Variants in RFPL2 observed in about 807,000 individuals in gnomAD.
RFPL2 encodes the protein ret finger protein like 2, also known as ret finger protein-like 2.
A neutral mutation model predicts 17.8 loss-of-function variants in RFPL2; 13 were observed. The ratio of observed to expected loss-of-function variants is 0.73; its 90% CI spans 0.47 to 1.16. The LOEUF (loss-of-function observed/expected upper bound fraction) is 1.16. RFPL2 is among the 50% of genes most tolerant of loss of function. RFPL2 has a pLI of 0.00. For synonymous variants in RFPL2, 189 were observed against 180.9 expected, an observed-to-expected ratio of 1.04 and a Z score of -0.36; for missense variants, 431 against 479.3, an observed-to-expected ratio of 0.90 and a Z score of 0.94.
Position 32,202,009 on chromosome 22 carries a change from C to T in RFPL2, c.119+324G>A, listed in dbSNP as rs185742088. On this transcript the variant is annotated intron_variant, in intron 2 of 4. Coordinates refer to ENST00000652607, the MANE Select transcript of RFPL2 (RefSeq NM_001394555.1). ...GAAGTCCAAAATGAGGCCTGAGCTGCTAAGATCAGGGTGCCAGCAGGGCCG... is the reference window on the plus strand; with the variant it reads ...GAAGTCCAAAATGAGGCCTGAGCTGTTAAGATCAGGGTGCCAGCAGGGCCG... Among the ~76,000 whole-genome samples, 1,034 of 152,312 alleles carry T rather than the reference C, an allele frequency of 6.8e-3. 16 individuals are homozygous for T. Among genetic ancestry groups the T allele is most frequent in the African/African-American group, 0.024 (979 of 41,546 alleles).
chr22:32,194,105 T>TA (rs1181673611), intron 3 of RFPL2, among the ~76,000 whole-genome samples: 2 of 151,514 alleles, frequency 1.3e-5, no homozygotes, highest in African/African-American at 2.4e-5. Context: ...AATAAAAAAA[T>TA]AAAAAAATAA....
chr22:32,191,902 AT>A (rs1270481199), intron 4 of RFPL2, among the ~76,000 whole-genome samples: 2 of 142,658 alleles, frequency 1.4e-5, no homozygotes, highest in Admixed American at 7.0e-5. Flanking sequence ...GAGAAAATTA[AT>A]TGTCCAGAAC....
chr22:32,195,191 T>A (rs1923188852), intron 2 of RFPL2, among the ~76,000 whole-genome samples: 1 of 152,184 alleles, frequency 6.6e-6, no homozygotes, highest in South Asian at 2.1e-4. Context: ...ATTTTCCCTA[T>A]CCCTTTGGCA....
chr22:32,198,598 C>T (rs1923601041), intron 2 of RFPL2, among the ~76,000 whole-genome samples: 1 of 152,016 alleles, frequency 6.6e-6, no homozygotes, highest in African/African-American at 2.4e-5. Flanking sequence ...CTTCTTCCCT[C>T]TCCTTCCCTG....
intron 2 of RFPL2, among the ~76,000 whole-genome samples, chr22:32,201,452 A>C (rs1188685596): frequency 1.3e-5 from 2 of 152,198 alleles, no homozygotes; most frequent in African/African-American, 2.4e-5. Flanking sequence ...CGTCTTAACC[A>C]AGGCCTCAAT....
chr22:32,203,063 CTT>C (rs1266918558), intron 1 of RFPL2: 5 of 985,830 alleles, frequency 5.1e-6, no homozygotes, highest in Non-Finnish European at 6.0e-6. Context: ...CCGCTCCTCT[CTT>C]GCAGACCACC....
intron 1 of RFPL2, 127 bp from the exon 2 acceptor site, chr22:32,202,677 A>T (rs1466040140): frequency 7.4e-7 from 1 of 1,354,978 alleles, no homozygotes; most frequent in African/African-American, 1.5e-5. Context: ...CTTTTAGCGC[A>T]AGCTGGCCAG....
At chr22:32,196,145 T>G (rs555140759) in intron 2 of RFPL2, among the ~76,000 whole-genome samples, 5 of 152,206 alleles carry the variant, frequency 3.3e-5, no homozygotes, top group Non-Finnish European at 5.9e-5. Flanking sequence ...CTGATTTATT[T>G]TGCTTAACAT....
In RFPL2 at chr22:32,191,119, G is replaced by C. The variant is rs199850528; in HGVS notation, c.790C>G (p.Arg264Gly). Residue 264 changes from arginine (R) to glycine (G), a missense_variant, in exon 5 of 5, where the codon CGC (arginine) becomes GGC (glycine). Physicochemically the swap from Arg to Gly is moderately radical, Grantham distance 125 (BLOSUM62 -2). Coordinates refer to ENST00000652607, the MANE Select transcript of RFPL2 (RefSeq NM_001394555.1). ...DLGVCRESVH[R>G]KGRIQLTTEL... ...GTGGTCAGCTGGATCCTCCCTTTGC[G>C]GTGAACAGATTCTCTGCAGACTCCC... The C allele has an allele frequency of 6.2e-7, 1 of 1,613,874 alleles. No homozygotes were observed.
At position 32,202,542 on chromosome 22, in the gene RFPL2, C is replaced by T. The variant is rs78293816; in HGVS notation, c.-91G>A. On this transcript the variant is annotated 5_prime_UTR_variant, in exon 2 of 5. It introduces an in-frame stop codon into an upstream open reading frame of the 5' UTR. Transcript: ENST00000652607. Reference sequence around the variant, plus strand: ...CACTGGGCATCCGGGCAGACAAAGCCAGAAAAGCCTAGAACAGGATGCAGA... The same window carrying T: ...CACTGGGCATCCGGGCAGACAAAGCTAGAAAAGCCTAGAACAGGATGCAGA... 0.06 allele frequency: 92,100 copies of T among 1,529,848 alleles called. 3,097 individuals are homozygous for T. The highest frequency in any genetic ancestry group is 0.067 in the Non-Finnish European group (76,893 of 1,139,604). 94.8% of individuals were successfully genotyped at this position (1,529,848 alleles called of 1,614,324 possible).
At chr22:32,200,336 G>A (rs1923787221) in intron 2 of RFPL2, 1 of 209,218 alleles carries the variant, frequency 4.8e-6, no homozygotes, top group Non-Finnish European at 9.9e-6. Context: ...CCTGCACCCA[G>A]GAAACCCTTA....
At chr22:32,196,698 A>G (rs1050467661) in intron 2 of RFPL2, among the ~76,000 whole-genome samples, 2 of 152,192 alleles carry the variant, frequency 1.3e-5, no homozygotes, top group African/African-American at 4.8e-5. Flanking sequence ...CAAATTCACA[A>G]GATGATCCTT....
In RFPL2 at chr22:32,191,228, G is replaced by A. The variant is rs765598608; in HGVS notation, c.681C>T (p.Ser227=). 1.3e-5 allele frequency: 21 copies of A among 1,613,840 alleles called. No individual in the cohort carries two copies. The East Asian group carries it at 1.3e-4, about 10-fold the overall frequency. ...AGCGAGGGGAGCCCAGGATGCAAAC[G>A]GACACGTCAAATCTCTCGGCAAGGT... ...RQDLAERFDV[S]VCILGSPRFT... is the part of the protein sequence containing the mutation. Residue 227 remains serine, a synonymous_variant, in exon 5 of 5, where the codon TCC becomes TCT. Coordinates refer to ENST00000652607, the MANE Select transcript of RFPL2 (RefSeq NM_001394555.1).
intron 2 of RFPL2, among the ~76,000 whole-genome samples, chr22:32,201,476 G>T (rs1416881638): frequency 6.6e-6 from 1 of 152,206 alleles, no homozygotes; most frequent in Non-Finnish European, 1.5e-5. Flanking sequence ...GATGGGATTT[G>T]GTCTCTGACA....
At chr22:32,202,821 C>T (rs746893162) in intron 1 of RFPL2, 21 of 1,063,796 alleles carry the variant, frequency 2.0e-5, no homozygotes, top group Non-Finnish European at 2.3e-5. Context: ...GCCAGCCCTC[C>T]CCACCCAAGT....
rs199748956 is a variant in RFPL2 at position 32,192,973 on chromosome 22, G to A, written c.485C>T (p.Ser162Phe). The A allele has an allele frequency of 3.1e-6, 5 of 1,614,132 alleles. No homozygotes were observed. Among genetic ancestry groups the A allele is most frequent in the Non-Finnish European group, 4.2e-6 (5 of 1,180,018 alleles). Residue 162 changes from serine (S) to phenylalanine (F), a missense_variant, in exon 4 of 5, where the codon TCC becomes TTC. Ser to Phe is a radical substitution (Grantham distance 155). Coordinates refer to ENST00000652607, the MANE Select transcript of RFPL2 (RefSeq NM_001394555.1). ...CTTGGGCTCCAGTTCCTTGATGTGGGAAGCCAGCCTCTCTAGCTGCCGATT... is the reference window on the plus strand; with the variant it reads ...CTTGGGCTCCAGTTCCTTGATGTGGAAAGCCAGCCTCTCTAGCTGCCGATT... ...RRNRQLERLASHIKELEPKLK... is the reference protein window; with the variant it reads ...RRNRQLERLAFHIKELEPKLK...
Position 32,190,728 on chromosome 22 carries a change from A to G in RFPL2, c.*44T>C. ...AGAGCGTTCCTAAGTCTACCCACCC[A>G]AGTAATTTTCTTACCCTGTTTTTTG... On this transcript the variant is annotated 3_prime_UTR_variant, in exon 5 of 5. Transcript: ENST00000652607. The G allele has an allele frequency of 6.7e-7, 1 of 1,497,264 alleles. No individual in the cohort carries two copies. Among genetic ancestry groups the G allele is most frequent in the Non-Finnish European group, 8.9e-7 (1 of 1,122,698 alleles). The allele number at this position is 1,497,264 out of a possible 1,614,324, so 92.7% of individuals were successfully genotyped here. A position where few individuals can be genotyped will look rare whatever the true frequency, so the allele number is the denominator to read the frequency against.
Position 32,202,429 on chromosome 22 carries a change from A to G in RFPL2, c.23T>C (p.Phe8Ser). 6.2e-7 allele frequency: 1 copy of G among 1,600,038 alleles called. No individual in the cohort carries two copies. The highest frequency in any genetic ancestry group is 8.5e-7 in the Non-Finnish European group (1 of 1,173,290). ...GGATTGGGACACTGCAGTCTCTGGG[A>G]AGCCTAATTCAGCCACCTCCATCGG... MEVAELG[F>S]PETAVSQSRI... The change falls in exon 2 of 5, where the codon TTC (phenylalanine) becomes TCC (serine). Residue 8 changes from phenylalanine (F) to serine (S), a missense_variant. Coordinates refer to ENST00000652607, the MANE Select transcript of RFPL2 (RefSeq NM_001394555.1).
Position 32,204,959 on chromosome 22 carries a change from C to A in RFPL2, c.-352G>T, listed in dbSNP as rs1456680218. On this transcript the variant is annotated 5_prime_UTR_variant, in exon 1 of 5. Transcript: ENST00000652607. ...AGTAGGCCTAGAGGTTTCTCTCATC[C>A]GATCAGACTATGTAGTCGAGAAACT... Among the ~76,000 whole-genome samples, 1 of 152,174 alleles carries A rather than the reference C, an allele frequency of 6.6e-6. No homozygotes were observed. The highest frequency in any genetic ancestry group is 1.5e-5 in the Non-Finnish European group (1 of 68,036).
Sources: gnomAD v4.1 joint callset for allele counts (sites outside exome capture counted in the v4.1 genomes callset) on GRCh38, gnomAD v4.1.1 for gene constraint, MANE v1.5 for transcripts, NCBI Gene and HGNC (gene_info 2026-07-23, HGNC 2026-07-21) for gene names.